The following IQSEC1 variants were observed in gnomAD, a reference collection of about 807,000 sequenced individuals.
IQSEC1 encodes the protein IQ motif and Sec7 domain ArfGEF 1.
IQSEC1 carries 31 observed loss-of-function variants against 91.0 expected under a neutral mutation model. The observed-to-expected ratio is 0.34, with a 90% CI of 0.26 to 0.46. The LOEUF (loss-of-function observed/expected upper bound fraction) is 0.46, where lower values mean the gene tolerates loss of function less well. IQSEC1 is among the 20% of genes least tolerant of loss of function. The probability of loss-of-function intolerance (pLI) is 1.00; values close to 1 mark genes in which losing one functional copy is unlikely to be tolerated. For synonymous variants in IQSEC1, 699 were observed against 662.6 expected (o/e 1.05, Z -0.84); for missense variants, 1,388 against 1,575.6 (o/e 0.88, Z 2.02).
chr3:13,191,278 G>A (rs1302951616), intron 1 of IQSEC1, among the ~76,000 whole-genome samples: 2 of 152,164 alleles, frequency 1.3e-5, no homozygotes, highest in Non-Finnish European at 2.9e-5. Context: ...CTCACAGACT[G>A]CAACCCAGAC....
chr3:12,903,239 C>A (rs779424812), intron 12 of IQSEC1, among the ~76,000 whole-genome samples: 4 of 152,166 alleles, frequency 2.6e-5, no homozygotes, highest in Non-Finnish European at 5.9e-5. Context: ...AACAGCATGG[C>A]AGGTACTGCA....
rs576106202 is a variant in IQSEC1, at chr3:12,969,615, T to C, written c.24-27750A>G. Among the ~76,000 whole-genome samples, 54 of 152,130 alleles carry C rather than the reference T, an allele frequency of 3.5e-4. 1 individual carries two copies. The highest frequency in any genetic ancestry group is 8.9e-4 in the African/African-American group (37 of 41,406). On this transcript the variant is annotated intron_variant, in intron 1 of 13. Coordinates refer to ENST00000613206, the MANE Select transcript of IQSEC1 (RefSeq NM_001134382.3). ...CCCTGTCTGAAGTGCTCTCTAAAAA[T>C]AGACTGCAATAAATGGAGCCAAAAT...
chr3:13,027,510 T>G (rs1703667133), intron 1 of IQSEC1, among the ~76,000 whole-genome samples: 1 of 152,168 alleles, frequency 6.6e-6, no homozygotes, highest in Admixed American at 6.5e-5. Flanking sequence ...GAACTGTTGC[T>G]TGGACTGGGG....
rs1576251321 is a variant in IQSEC1 at position 13,103,310 on chromosome 3, T to G, written c.303-55788A>C. ...CAATTTGTGTTTCCAGAAATTCATC[T>G]CCCAGCCACCTTTTTAATTAACCGC... On this transcript the variant is annotated intron_variant, in intron 2 of 15. Coordinates refer to the IQSEC1 transcript ENST00000648114. This position sits in a 1 kb window ranked among gnomAD's most constrained non-coding sequence, Gnocchi z 4.1. Among the ~76,000 whole-genome samples, 1 of 151,906 alleles carries G rather than the reference T, an allele frequency of 6.6e-6. No homozygotes were observed. Among genetic ancestry groups the G allele is most frequent in the African/African-American group, 2.4e-5 (1 of 41,334 alleles).
At chr3:13,266,985 C>CAAG (rs1559289837) in intron 1 of IQSEC1, among the ~76,000 whole-genome samples, 1 of 151,724 alleles carries the variant, frequency 6.6e-6, no homozygotes, top group African/African-American at 2.4e-5. Context: ...GCTCCATAAC[C>CAAG]GCTTACTCGA....
In IQSEC1 at chr3:12,908,483, G is replaced by C. The variant is rs368203899; in HGVS notation, c.2621C>G (p.Ser874Cys). 2.5e-6 allele frequency: 4 copies of C among 1,613,492 alleles called. No homozygotes were observed. The Admixed American group carries it at 5.0e-5, about 20-fold the overall frequency. Residue 874 changes from serine (S) to cysteine (C), a missense_variant, in exon 12 of 14, where the codon TCC (serine) becomes TGC (cysteine). Physicochemically the swap from Ser to Cys is moderately radical, Grantham distance 112. Transcript: ENST00000613206. This position sits in a 1 kb window ranked among gnomAD's most constrained non-coding sequence, Gnocchi z 4.9. ...KQKGVVRPSMSQCSSLKKESG... is the reference protein window; with the variant it reads ...KQKGVVRPSMCQCSSLKKESG... ...CTCCTTTTTGAGGCTAGAGCACTGG[G>C]ACATGCTGGGCCGCACGACGCCTTT... is the stretch of plus-strand genomic sequence containing the variant.
rs1454028335 is a variant in IQSEC1, at chr3:12,994,630, C to T, written c.24-52765G>A. 6.6e-6 allele frequency among the ~76,000 whole-genome samples: 1 copy of T among 152,226 alleles called. No homozygotes were observed. The highest frequency in any genetic ancestry group is 2.4e-5 in the African/African-American group (1 of 41,452). On this transcript the variant is annotated intron_variant, in intron 1 of 13. Transcript: ENST00000613206. The surrounding 1 kb of genome is among the most constrained non-coding windows in gnomAD (Gnocchi z 4.5). ...CCCCGGCCGAAACGCCCCACCCCCG[C>T]CGCCGTCCCCAGTTCGCAGATGGGA...
At chr3:13,056,858 G>A (rs1340584004) in intron 1 of IQSEC1, among the ~76,000 whole-genome samples, 1 of 152,054 alleles carries the variant, frequency 6.6e-6, no homozygotes, top group African/African-American at 2.4e-5. Flanking sequence ...GTATACTCAT[G>A]GTTCAAAACT....
intron 1 of IQSEC1, among the ~76,000 whole-genome samples, chr3:12,948,784 T>C (rs1055683472): frequency 6.6e-6 from 1 of 152,198 alleles, no homozygotes; most frequent in Non-Finnish European, 1.5e-5. Context: ...ACACATTCAG[T>C]GCTCTCAATA....
chr3:13,012,343 C>T (rs563452027), intron 1 of IQSEC1, among the ~76,000 whole-genome samples: 30 of 152,314 alleles, frequency 2.0e-4, no homozygotes, highest in Admixed American at 1.7e-3. Context: ...AAATCTAGCT[C>T]ATCTGCCACC....
intron 1 of IQSEC1, among the ~76,000 whole-genome samples, chr3:12,987,317 T>C (rs1196225725): frequency 1.3e-5 from 2 of 152,200 alleles, no homozygotes; most frequent in Non-Finnish European, 2.9e-5. Flanking sequence ...GCGAGAGGTA[T>C]GGTACGTGCT....
intron 9 of IQSEC1, among the ~76,000 whole-genome samples, chr3:12,912,621 G>A (rs567275405): frequency 3.7e-5 from 5 of 135,972 alleles, no homozygotes; most frequent in East Asian, 2.2e-4. Flanking sequence ...CCGAGATTGC[G>A]CCACTGCAGT....
intron 7 of IQSEC1, 61 bp downstream of exon 7, chr3:12,915,533 T>C: frequency 6.3e-7 from 1 of 1,577,398 alleles, no homozygotes; most frequent in Non-Finnish European, 8.7e-7. Flanking sequence ...TGAGAAGGCC[T>C]GGCAGGCAGC....
chr3:13,263,843 G>A (rs1184401601), intron 1 of IQSEC1, among the ~76,000 whole-genome samples: 2 of 152,212 alleles, frequency 1.3e-5, no homozygotes, highest in East Asian at 1.9e-4. Flanking sequence ...GCCGGGCTGG[G>A]CGCACGCTTG....
At chr3:13,272,562 A>G (rs1695607167) in intron 1 of IQSEC1, among the ~76,000 whole-genome samples, 1 of 152,210 alleles carries the variant, frequency 6.6e-6, no homozygotes, top group Non-Finnish European at 1.5e-5. Flanking sequence ...GAGGGCAAGC[A>G]GGCCAACCTA....
intron 5 of IQSEC1, among the ~76,000 whole-genome samples, chr3:12,921,541 A>G (rs893522546): frequency 1.3e-5 from 2 of 152,264 alleles, no homozygotes; most frequent in African/African-American, 4.8e-5. Context: ...GTGTGCCCAC[A>G]TGTCCTGTGT....
At chr3:12,932,541 C>T (rs1222563454) in intron 3 of IQSEC1, among the ~76,000 whole-genome samples, 1 of 152,158 alleles carries the variant, frequency 6.6e-6, no homozygotes, top group Non-Finnish European at 1.5e-5. Context: ...TAGCTATTCT[C>T]GTTATTTCTG....
chr3:12,985,109 C>A (rs973612201), intron 1 of IQSEC1, among the ~76,000 whole-genome samples: 3 of 152,358 alleles, frequency 2.0e-5, no homozygotes, highest in Admixed American at 2.0e-4. Flanking sequence ...CAGGCGTGAG[C>A]CACCGCGCCC....
At chr3:13,028,096 G>A (rs956657442) in intron 1 of IQSEC1, among the ~76,000 whole-genome samples, 3 of 152,150 alleles carry the variant, frequency 2.0e-5, no homozygotes, top group African/African-American at 7.2e-5. Flanking sequence ...TCAAAGCCCC[G>A]CAGGGCTGAT....
Sources: gnomAD v4.1 joint callset for allele counts (sites outside exome capture counted in the v4.1 genomes callset) on GRCh38, gnomAD v4.1.1 for gene constraint, Gnocchi (gnomAD v3.1) non-coding constraint, MANE v1.5 for transcripts, NCBI Gene and HGNC (gene_info 2026-07-23, HGNC 2026-07-21) for gene names.